The following TLN2 variants were observed in gnomAD, a reference collection of about 807,000 sequenced individuals.
The protein encoded by TLN2 is talin 2.
A neutral mutation model predicts 294.7 loss-of-function variants in TLN2; 118 were observed. The ratio of observed to expected loss-of-function variants is 0.40; its 90% confidence interval spans 0.34 to 0.47. The LOEUF (loss-of-function observed/expected upper bound fraction) is 0.47. Ranked by LOEUF, TLN2 falls within the 20% of genes least tolerant of loss-of-function variation. The pLI is 0.84. For synonymous variants in TLN2, 1,431 were observed against 1,304.5 expected, an observed-to-expected ratio of 1.10 and a Z score of -2.09; for missense variants, 3,083 against 3,282.2, an observed-to-expected ratio of 0.94 and a Z score of 1.48.
chr15:62,797,703 G>C (rs900198415), intron 48 of TLN2, among the ~76,000 whole-genome samples: 27 of 152,194 alleles, frequency 1.8e-4, no homozygotes, highest in Non-Finnish European at 1.6e-4. Context: ...GGAGTGAAAG[G>C]CGGCTCCTTG....
intron 1 of TLN2, among the ~76,000 whole-genome samples, chr15:62,423,448 AG>A (rs1445648105): frequency 6.6e-6 from 1 of 152,220 alleles, no homozygotes; most frequent in African/African-American, 2.4e-5. Flanking sequence ...CCATGTTACC[AG>A]CACCTATCCC....
intron 2 of TLN2, among the ~76,000 whole-genome samples, chr15:62,593,418 AT>A (rs1450472704): frequency 6.6e-6 from 1 of 152,120 alleles, no homozygotes; most frequent in African/African-American, 2.4e-5. Context: ...TTTCCAGGCT[AT>A]TTTTCATAAT....
intron 1 of TLN2, among the ~76,000 whole-genome samples, chr15:62,550,320 G>GA (rs2042226509): frequency 6.6e-6 from 1 of 152,162 alleles, no homozygotes; most frequent in South Asian, 2.1e-4. Context: ...ATACCTCTCG[G>GA]AATAATGACT....
chr15:62,784,152 T>C (rs1498128), intron 45 of TLN2: 498,719 of 502,280 alleles, frequency 0.99, 247,674 homozygotes, highest in East Asian at 1. Context: ...CAGTGTTCTA[T>C]CAGGTCCCCT....
At chr15:62,512,594 T>C (rs1022149454) in intron 1 of TLN2, among the ~76,000 whole-genome samples, 2 of 152,214 alleles carry the variant, frequency 1.3e-5, no homozygotes, top group Non-Finnish European at 2.9e-5. Context: ...TTTCCGAGTG[T>C]ACATTTTCTT....
chr15:62,541,666 C>A (rs1256367111), intron 1 of TLN2, among the ~76,000 whole-genome samples: 1 of 152,088 alleles, frequency 6.6e-6, no homozygotes, highest in Non-Finnish European at 1.5e-5. Context: ...AGACGGCACA[C>A]CTGACAATAT....
Position 62,661,610 on chromosome 15 carries a change from T to A in TLN2, c.788+3712T>A, listed in dbSNP as rs113866172. ...CTTTTAAATATATTAGGCATCATACTGAATGTAAGTAAATGAAATGCAGCA... is the reference window on the plus strand; with the variant it reads ...CTTTTAAATATATTAGGCATCATACAGAATGTAAGTAAATGAAATGCAGCA... On this transcript the variant is annotated intron_variant, in intron 9 of 58. Transcript: ENST00000636159. 3.3e-4 allele frequency among the ~76,000 whole-genome samples: 50 copies of A among 152,302 alleles called. 1 individual carries two copies. The highest frequency in any genetic ancestry group is 8.4e-4 in the African/African-American group (35 of 41,566).
At chr15:62,662,566 T>C (rs2053975399) in intron 9 of TLN2, among the ~76,000 whole-genome samples, 1 of 152,188 alleles carries the variant, frequency 6.6e-6, no homozygotes, top group East Asian at 1.9e-4. Context: ...AGTGTTTCTT[T>C]AAAGGAGGCA....
intron 9 of TLN2, among the ~76,000 whole-genome samples, chr15:62,662,390 G>A (rs2053951943): frequency 6.6e-6 from 1 of 152,068 alleles, no homozygotes; most frequent in Admixed American, 6.5e-5. Context: ...AAAAAGTAAA[G>A]CTCCTCTCCT....
chr15:62,465,015 C>CT (rs1216888569), intron 1 of TLN2, among the ~76,000 whole-genome samples: 2 of 147,832 alleles, frequency 1.4e-5, no homozygotes, highest in Non-Finnish European at 3.0e-5. Flanking sequence ...TTTCAGTAGT[C>CT]TTTTTTCCCC....
chr15:62,716,875 T>A (rs986406283), intron 23 of TLN2, among the ~76,000 whole-genome samples: 33 of 152,132 alleles, frequency 2.2e-4, no homozygotes, highest in African/African-American at 7.7e-4. Flanking sequence ...GTGAAATATA[T>A]TTGTTATTTT....
chr15:62,620,478 C>T (rs1195763324), intron 3 of TLN2, among the ~76,000 whole-genome samples: 3 of 151,866 alleles, frequency 2.0e-5, no homozygotes, highest in African/African-American at 7.2e-5. Flanking sequence ...CCTCCCTCCC[C>T]GCCCCACACC....
intron 1 of TLN2, among the ~76,000 whole-genome samples, chr15:62,566,945 G>A (rs1319588221): frequency 6.6e-6 from 1 of 151,940 alleles, no homozygotes; most frequent in Non-Finnish European, 1.5e-5. Flanking sequence ...GAAAGTAAAA[G>A]CAAAATACCC....
At chr15:62,590,206 C>T (rs530466998) in intron 2 of TLN2, among the ~76,000 whole-genome samples, 32 of 151,908 alleles carry the variant, frequency 2.1e-4, no homozygotes, top group African/African-American at 6.0e-4. Flanking sequence ...AGGTTTGTTT[C>T]GTAGGTAAAC....
intron 54 of TLN2, among the ~76,000 whole-genome samples, chr15:62,826,947 T>C (rs567401263): frequency 3.3e-5 from 5 of 152,202 alleles, no homozygotes; most frequent in Non-Finnish European, 7.3e-5. Context: ...TGCAAGACTC[T>C]GAGTAACACA....
intron 1 of TLN2, among the ~76,000 whole-genome samples, chr15:62,460,641 C>G (rs2036748315): frequency 3.3e-5 from 5 of 152,144 alleles, no homozygotes; most frequent in Admixed American, 3.3e-4. Context: ...GGTGCCAGTC[C>G]TCATGATGGA....
chr15:62,633,686 A>C (rs181241463), intron 3 of TLN2, among the ~76,000 whole-genome samples: 2 of 152,328 alleles, frequency 1.3e-5, no homozygotes, highest in Non-Finnish European at 1.5e-5. Context: ...TTTGTGTCAA[A>C]AGAACTATAT....
intron 1 of TLN2, among the ~76,000 whole-genome samples, chr15:62,407,476 C>T (rs1043325874): frequency 8.5e-5 from 13 of 152,142 alleles, no homozygotes; most frequent in South Asian, 2.1e-4. Context: ...TTGTTTCCCC[C>T]GGATATTTCA....
chr15:62,535,462 G>C (rs1299025860), intron 1 of TLN2, among the ~76,000 whole-genome samples: 1 of 132,608 alleles, frequency 7.5e-6, no homozygotes, highest in East Asian at 2.4e-4. Flanking sequence ...GACCCTGTCT[G>C]TGTGTACACA....
Sources: allele counts gnomAD v4.1 joint callset (sites outside exome capture counted in the v4.1 genomes callset), GRCh38; gene constraint gnomAD v4.1.1; transcripts MANE v1.5; gene names NCBI Gene and HGNC (gene_info 2026-07-23, HGNC 2026-07-21).